Variants in TMEM170A observed in about 807,000 individuals in gnomAD.
The protein encoded by TMEM170A is transmembrane protein 170A, also known as transmembrane protein 170.
TMEM170A carries 18 observed loss-of-function variants against 12.8 expected under a neutral mutation model. The observed-to-expected ratio is 1.41, with a 90% CI of 0.97 to 2.09. TMEM170A has a LOEUF of 2.09. Ranked by LOEUF, TMEM170A falls within the 30% of genes most tolerant of loss-of-function variation. The pLI, the probability that TMEM170A is intolerant of heterozygous loss-of-function variation, is 0.00. For missense variants in TMEM170A, 220 were observed against 179.9 expected (o/e 1.22, Z -1.28); for synonymous variants, 107 against 76.2 (o/e 1.40, Z -2.11).
In TMEM170A at chr16:75,443,366, AATAAC is replaced by A. The variant is rs1192597634; in HGVS notation, c.*4187_*4191del. Reference sequence around the variant, plus strand: ...TCATTTTGACTGTAGCAGTTAGTGAAATAACATAATATAAAAAGTTAAGCTGATCT... The same window carrying A: ...TCATTTTGACTGTAGCAGTTAGTGAAATAATATAAAAAGTTAAGCTGATCT... On this transcript the variant is annotated 3_prime_UTR_variant, in exon 3 of 3. Coordinates refer to ENST00000561878, the MANE Select transcript of TMEM170A (RefSeq NM_145254.3). The A allele has an allele frequency of 7.9e-5, 12 of 152,238 alleles. No homozygotes were observed. The highest frequency in any genetic ancestry group is 2.7e-4 in the African/African-American group (11 of 41,460). The allele number at this position is 152,238 out of a possible 1,614,324, so 9.4% of individuals were successfully genotyped here.
Position 75,464,088 on chromosome 16 carries a change from C to T in TMEM170A, c.133+380G>A, listed in dbSNP as rs1466706360. ...CCGCTCCGAGACCCCTCGAAGGAGG[C>T]CGGGCGCCGTGGGGCAACCCAGGCA... On this transcript the variant is annotated intron_variant, in intron 1 of 2. Coordinates refer to ENST00000561878, the MANE Select transcript of TMEM170A (RefSeq NM_145254.3). 20 of 891,804 alleles carry T rather than the reference C, an allele frequency of 2.2e-5. No individual in the cohort carries two copies. In the East Asian group the frequency reaches 3.8e-4, roughly 17 times the overall value. The allele number at this position is 891,804 out of a possible 1,614,324, so 55.2% of individuals were successfully genotyped here.
rs1368342840 is a variant in TMEM170A, at chr16:75,447,320, A to G, written c.*238T>C. 2.1e-5 allele frequency: 7 copies of G among 329,354 alleles called. No homozygotes were observed. Among genetic ancestry groups the G allele is most frequent in the Non-Finnish European group, 2.7e-5 (5 of 187,132 alleles). 20.4% of individuals were successfully genotyped at this position (329,354 alleles called of 1,614,324 possible). A position where few individuals can be genotyped will look rare whatever the true frequency, so the allele number is the denominator to read the frequency against. On this transcript the variant is annotated 3_prime_UTR_variant, in exon 3 of 3. Coordinates refer to ENST00000561878, the MANE Select transcript of TMEM170A (RefSeq NM_145254.3). Reference sequence around the variant, plus strand: ...TACACATGAAAACTGCTTAAATCAAATATCTACAAAAAAGAAAGCCAAAAG... The same window carrying G: ...TACACATGAAAACTGCTTAAATCAAGTATCTACAAAAAAGAAAGCCAAAAG...
Position 75,443,104 on chromosome 16 carries a change from T to A in TMEM170A, c.*4454A>T, listed in dbSNP as rs1370383070. 6.6e-6 allele frequency: 1 copy of A among 152,124 alleles called. No individual in the cohort carries two copies. The highest frequency in any genetic ancestry group is 2.4e-5 in the African/African-American group (1 of 41,422). The allele number at this position is 152,124 out of a possible 1,614,324, so 9.4% of individuals were successfully genotyped here. On this transcript the variant is annotated 3_prime_UTR_variant, in exon 3 of 3. Coordinates refer to ENST00000561878, the MANE Select transcript of TMEM170A (RefSeq NM_145254.3). ...ACAACTTTGAACAAGAATTTTATCATAAATTAGTAAGAAGTAGAACATAAA... is the reference window on the plus strand; with the variant it reads ...ACAACTTTGAACAAGAATTTTATCAAAAATTAGTAAGAAGTAGAACATAAA...
intron 1 of TMEM170A, among the ~76,000 whole-genome samples, chr16:75,452,326 T>C (rs1478172274): frequency 6.6e-6 from 1 of 152,096 alleles, no homozygotes; most frequent in African/African-American, 2.4e-5. Context: ...TGCAGTGCAA[T>C]GGCACCATCA....
intron 1 of TMEM170A, among the ~76,000 whole-genome samples, chr16:75,460,621 C>A (rs551199809): frequency 6.6e-6 from 1 of 152,186 alleles, no homozygotes; most frequent in South Asian, 2.1e-4. Flanking sequence ...CAGCAATCCA[C>A]CCCCACCACA....
intron 1 of TMEM170A, among the ~76,000 whole-genome samples, chr16:75,453,765 G>T (rs2079731572): frequency 6.6e-6 from 1 of 152,212 alleles, no homozygotes; most frequent in African/African-American, 2.4e-5. Flanking sequence ...GGCTCCTACA[G>T]AACTCTAATC....
chr16:75,460,641 C>T (rs1344418053), intron 1 of TMEM170A, among the ~76,000 whole-genome samples: 2 of 152,196 alleles, frequency 1.3e-5, no homozygotes, highest in African/African-American at 4.8e-5. Context: ...ACAGGCCCTG[C>T]CCCTTCCCAG....
chr16:75,456,365 A>C (rs911143388), intron 1 of TMEM170A, among the ~76,000 whole-genome samples: 1 of 152,062 alleles, frequency 6.6e-6, no homozygotes, highest in Non-Finnish European at 1.5e-5. Context: ...AGGCGGGTGG[A>C]TCATCTGAGG....
intron 1 of TMEM170A, among the ~76,000 whole-genome samples, chr16:75,460,921 C>A (rs2079892689): frequency 6.6e-6 from 1 of 152,154 alleles, no homozygotes; most frequent in Non-Finnish European, 1.5e-5. Flanking sequence ...TTAGTGAAAT[C>A]TGTATCTTCT....
rs1464596543 is a variant in TMEM170A, at chr16:75,448,234, C to G, written c.305-546G>C. Among the ~76,000 whole-genome samples the G allele has an allele frequency of 2.6e-5, 4 of 152,304 alleles. No homozygotes were observed. The East Asian group carries it at 5.8e-4, about 22-fold the overall frequency. ...GGTGAAAAGGGAAGACAGGAGGACT[C>G]TAAGCCATAAAGTTGTTATTCATTC... On this transcript the variant is annotated intron_variant, in intron 2 of 2. Transcript: ENST00000561878.
At position 75,464,602 on chromosome 16, in the gene TMEM170A, C is replaced by T. The variant is rs1293607440; in HGVS notation, c.-2G>A. 7 of 1,583,358 alleles carry T rather than the reference C, an allele frequency of 4.4e-6. No homozygotes were observed. In the South Asian group the frequency reaches 5.7e-5, roughly 13 times the overall value. ...GCCGCCGCTCCCCTCGCGCTCCATC[C>T]CGTCGCCATTCACCACAGAGAAATG... On this transcript the variant is annotated 5_prime_UTR_variant, in exon 1 of 3. Coordinates refer to ENST00000561878, the MANE Select transcript of TMEM170A (RefSeq NM_145254.3).
intron 1 of TMEM170A, among the ~76,000 whole-genome samples, chr16:75,453,252 A>G (rs997213489): frequency 4.6e-5 from 7 of 152,146 alleles, no homozygotes; most frequent in Admixed American, 6.5e-5. Flanking sequence ...TGGGCAATAC[A>G]GCGAAACCCT....
chr16:75,452,663 T>G (rs1276659283), intron 1 of TMEM170A: 1 of 152,118 alleles, frequency 6.6e-6, no homozygotes, highest in East Asian at 1.9e-4. Context: ...TGGTCTTGAA[T>G]GCCTCGGCTC....
In TMEM170A at chr16:75,445,294, ATAAGT is replaced by A. The variant is rs1453969027; in HGVS notation, c.*2259_*2263del. ...CCGTGTATATGTCACTATAGTTTTG[ATAAGT>A]TAATTACCAAAATTAGTAATATTAT... On this transcript the variant is annotated 3_prime_UTR_variant, in exon 3 of 3. Transcript: ENST00000561878. The A allele has an allele frequency of 3.9e-5, 6 of 152,196 alleles. No individual in the cohort carries two copies. Among genetic ancestry groups the A allele is most frequent in the Non-Finnish European group, 8.8e-5 (6 of 68,026 alleles). 9.4% of individuals were successfully genotyped at this position (152,196 alleles called of 1,614,324 possible). A position where few individuals can be genotyped will look rare whatever the true frequency, so the allele number is the denominator to read the frequency against.
intron 1 of TMEM170A, chr16:75,464,083 G>A (rs2079953859): frequency 4.7e-6 from 4 of 845,384 alleles, no homozygotes; most frequent in South Asian, 1.6e-5. Flanking sequence ...ACCCCTCGAA[G>A]GAGGCCGGGC....
At chr16:75,457,862 A>G (rs1313326650) in intron 1 of TMEM170A, among the ~76,000 whole-genome samples, 4 of 152,178 alleles carry the variant, frequency 2.6e-5, no homozygotes, top group Admixed American at 2.6e-4. Flanking sequence ...TGTATTTTAT[A>G]TAGCATCACT....
Position 75,464,500 on chromosome 16 carries a change from CA to C in TMEM170A, c.100del (p.Cys34AlafsTer51). 1 of 1,579,438 alleles carries C rather than the reference CA, an allele frequency of 6.3e-7. No homozygotes were observed. The highest frequency in any genetic ancestry group is 8.6e-7 in the Non-Finnish European group (1 of 1,165,962). Reference sequence around the variant, plus strand: ...GGAGCAGAGGGAAGTAGAGTTGGGGCACAGGGTCCCGTTGCCCACCCGCGGC... The same window carrying C: ...GGAGCAGAGGGAAGTAGAGTTGGGGCCAGGGTCCCGTTGCCCACCCGCGGC... ...VVPRVGNGTL[C>X]PNSTSLCSFP... is the part of the protein sequence containing the mutation. On this transcript the variant is annotated frameshift_variant, in exon 1 of 3. Transcript: ENST00000561878. LOFTEE classifies it high-confidence loss of function.
intron 1 of TMEM170A, among the ~76,000 whole-genome samples, chr16:75,460,825 A>C (rs1422594546): frequency 6.6e-6 from 1 of 152,214 alleles, no homozygotes; most frequent in Non-Finnish European, 1.5e-5. Flanking sequence ...TGACTGGTCC[A>C]AGTGTGACCA....
upstream of TMEM170A, chr16:75,464,698 C>T: frequency 6.9e-7 from 1 of 1,452,838 alleles, no homozygotes; most frequent in Non-Finnish European, 9.1e-7. Flanking sequence ...TCACCTCCAG[C>T]CGGGGTCCTC....
Sources: allele counts gnomAD v4.1 joint callset (sites outside exome capture counted in the v4.1 genomes callset), GRCh38; gene constraint gnomAD v4.1.1; transcripts MANE v1.5; gene names NCBI Gene and HGNC (gene_info 2026-07-23, HGNC 2026-07-21).